VPS53: variants seen among roughly 807,000 people sequenced by gnomAD.
VPS53 encodes the protein VPS53 subunit of GARP complex, also known as vacuolar protein sorting-associated protein 53 homolog.
VPS53 carries 70 observed loss-of-function variants against 107.0 expected under a neutral mutation model. The observed-to-expected ratio is 0.65, with a 90% CI of 0.54 to 0.80. The LOEUF is 0.80. VPS53 is among the 30% of genes least tolerant of loss of function. The pLI is 0.00. For synonymous variants in VPS53, 409 were observed against 393.3 expected, an observed-to-expected ratio of 1.04 and a Z score of -0.47; for missense variants, 917 against 1,049.4, an observed-to-expected ratio of 0.87 and a Z score of 1.74.
chr17:709,045 T>C (rs1261328735), intron 2 of VPS53, among the ~76,000 whole-genome samples: 2 of 152,180 alleles, frequency 1.3e-5, no homozygotes, highest in Admixed American at 6.5e-5. Context: ...GCCAGACTGC[T>C]GCAAGCTTGA....
At chr17:525,378 T>G (rs2151797844) in intron 19 of VPS53, among the ~76,000 whole-genome samples, 1 of 152,214 alleles carries the variant, frequency 6.6e-6, no homozygotes, top group East Asian at 1.9e-4. Flanking sequence ...ACTGTAATGA[T>G]TTACTTTACA....
chr17:675,437 A>AAT, intron 4 of VPS53: 1 of 152,314 alleles, frequency 6.6e-6, no homozygotes, highest in Admixed American at 6.5e-5. Context: ...AGACCCCTCA[A>AAT]ATACACCTTT....
At chr17:522,305 T>A (rs1449026188) in intron 19 of VPS53, among the ~76,000 whole-genome samples, 2 of 152,224 alleles carry the variant, frequency 1.3e-5, no homozygotes, top group African/African-American at 4.8e-5. Context: ...AATCATACTG[T>A]ATGTATATTC....
chr17:579,765 C>T (rs1164119276), intron 13 of VPS53, among the ~76,000 whole-genome samples: 1 of 129,940 alleles, frequency 7.7e-6, no homozygotes, highest in Non-Finnish European at 1.8e-5. Flanking sequence ...TCCCAGAGAA[C>T]CTCCGTCAGA....
Position 658,218 on chromosome 17 carries a change from T to G in VPS53, c.373-2265A>C, listed in dbSNP as rs5015088. Among the ~76,000 whole-genome samples, 151 of 91,006 alleles carry G rather than the reference T, an allele frequency of 1.7e-3. 3 individuals carry two copies. Among genetic ancestry groups the G allele is most frequent in the African/African-American group, 4.6e-3 (144 of 31,084 alleles). 59.7% of individuals were successfully genotyped at this position (91,006 alleles called of 152,430 possible). On this transcript the variant is annotated intron_variant, in intron 5 of 21. Transcript: ENST00000437048. ...GGAGTTCGTGGATAGATACATCCCA[T>G]TGAAGTGAGACACTCGGCCGTGAGT...
At chr17:530,026 C>CAA (rs539003592) in intron 19 of VPS53, among the ~76,000 whole-genome samples, 21 of 140,744 alleles carry the variant, frequency 1.5e-4, no homozygotes, top group Middle Eastern at 3.6e-3. Context: ...GGCAATACAG[C>CAA]AAAAAAAAAA....
intron 5 of VPS53, 149 bp downstream of exon 5, chr17:661,660 C>A: frequency 1.5e-6 from 1 of 676,988 alleles, no homozygotes. Flanking sequence ...TTGATCTGAA[C>A]GCATTCATAG....
At position 588,295 on chromosome 17, in the gene VPS53, C is replaced by A. The variant is rs112782343; in HGVS notation, c.1219-1931G>T. Among the ~76,000 whole-genome samples the A allele has an allele frequency of 2.6e-5, 4 of 151,912 alleles. 1 individual carries two copies. Among genetic ancestry groups the A allele is most frequent in the African/African-American group, 9.6e-5 (4 of 41,456 alleles). On this transcript the variant is annotated intron_variant, in intron 12 of 21. Coordinates refer to ENST00000437048, the MANE Select transcript of VPS53 (RefSeq NM_001128159.3). ...ATTGCACCACTGTACTCCAGCCTGG[C>A]GACAGAGTGAGACTCCATTTCAAAA...
In VPS53 at chr17:510,498, C is replaced by T. The variant is rs1907878169; in HGVS notation, c.*8630G>A. The T allele has an allele frequency of 8.0e-6, 1 of 124,342 alleles. No homozygotes were observed. Among genetic ancestry groups the T allele is most frequent in the African/African-American group, 3.8e-5 (1 of 26,548 alleles). The allele number at this position is 124,342 out of a possible 1,614,324, so 7.7% of individuals were successfully genotyped here. On this transcript the variant is annotated 3_prime_UTR_variant, in exon 22 of 22. Coordinates refer to ENST00000437048, the MANE Select transcript of VPS53 (RefSeq NM_001128159.3). ...TTACTAGTCACATATTGAATCCTGGCTGACCCCTTACTAGTCACACATCGA... is the reference window on the plus strand; with the variant it reads ...TTACTAGTCACATATTGAATCCTGGTTGACCCCTTACTAGTCACACATCGA...
At chr17:551,485 T>TG (rs1279918088) in intron 17 of VPS53, 1 of 152,944 alleles carries the variant, frequency 6.5e-6, no homozygotes, top group Non-Finnish European at 1.5e-5. Flanking sequence ...GGAGGACTGA[T>TG]GAGCCCAGAG....
chr17:712,177 C>CTTTTTTTTTTTT (rs35522489), intron 1 of VPS53, among the ~76,000 whole-genome samples: 1 of 98,466 alleles, frequency 1.0e-5, no homozygotes. Flanking sequence ...TGACTTTCGC[C>CTTTTTTTTTTTT]TTTTTTTTTT....
intron 11 of VPS53, among the ~76,000 whole-genome samples, chr17:607,824 T>C (rs1301836876): frequency 1.3e-5 from 2 of 152,020 alleles, no homozygotes; most frequent in Non-Finnish European, 2.9e-5. Flanking sequence ...CCCAGCACCT[T>C]CAAAACAGTT....
intron 17 of VPS53, among the ~76,000 whole-genome samples, chr17:551,351 G>A (rs1288736329): frequency 6.6e-6 from 1 of 152,092 alleles, no homozygotes; most frequent in East Asian, 1.9e-4. Flanking sequence ...AAGACTGCTT[G>A]ACGCCAGGAG....
At chr17:659,224 C>A (rs552846560) in intron 5 of VPS53, among the ~76,000 whole-genome samples, 11 of 152,194 alleles carry the variant, frequency 7.2e-5, no homozygotes, top group South Asian at 2.1e-4. Context: ...ACAAAAAAAT[C>A]TCTGTATCTC....
intron 2 of VPS53, among the ~76,000 whole-genome samples, chr17:704,949 G>A (rs1172752914): frequency 6.6e-6 from 1 of 152,018 alleles, no homozygotes; most frequent in East Asian, 1.9e-4. Context: ...ACAAAATGAT[G>A]AGCTATAAAG....
At chr17:561,438 G>C (rs1004583971) in intron 14 of VPS53, among the ~76,000 whole-genome samples, 3 of 152,070 alleles carry the variant, frequency 2.0e-5, no homozygotes, top group Non-Finnish European at 4.4e-5. Context: ...TAATACACGT[G>C]GGAAAATGCT....
chr17:700,678 A>AGAAAATGT (rs1468618558), intron 2 of VPS53, among the ~76,000 whole-genome samples: 2 of 152,202 alleles, frequency 1.3e-5, no homozygotes, highest in Admixed American at 1.3e-4. Context: ...CTTAGAGATG[A>AGAAAATGT]GAAAATGTGA....
chr17:691,108 T>C (rs1472610433), intron 4 of VPS53, among the ~76,000 whole-genome samples: 1 of 152,170 alleles, frequency 6.6e-6, no homozygotes, highest in African/African-American at 2.4e-5. Flanking sequence ...ATAAAGGGTC[T>C]GGAAATTGCA....
chr17:636,524 G>T (rs1189982023), intron 7 of VPS53, among the ~76,000 whole-genome samples: 4 of 152,150 alleles, frequency 2.6e-5, no homozygotes, highest in Non-Finnish European at 4.4e-5. Context: ...TCCAGTTTTT[G>T]CCCATTCAGT....
Sources: allele counts gnomAD v4.1 joint callset (sites outside exome capture counted in the v4.1 genomes callset), GRCh38; gene constraint gnomAD v4.1.1; transcripts MANE v1.5; gene names NCBI Gene and HGNC (gene_info 2026-07-23, HGNC 2026-07-21).